Variants in LIN9 observed in about 807,000 individuals in gnomAD.
LIN9 encodes protein lin-9 homolog.
A neutral mutation model predicts 78.0 loss-of-function variants in LIN9; 18 were observed. The ratio of observed to expected loss-of-function variants is 0.23; its 90% CI spans 0.16 to 0.34. The LOEUF (loss-of-function observed/expected upper bound fraction) is 0.34. Ranked by LOEUF, LIN9 falls within the 10% of genes least tolerant of loss-of-function variation. The pLI is 1.00. For missense variants in LIN9, 451 were observed against 644.1 expected (o/e 0.70, Z 3.25); for synonymous variants, 192 against 215.2 (o/e 0.89, Z 0.94).
intron 11 of LIN9, among the ~76,000 whole-genome samples, chr1:226,245,626 C>T (rs1475843315): frequency 6.6e-6 from 1 of 151,826 alleles, no homozygotes; most frequent in Non-Finnish European, 1.5e-5. Context: ...CAGTCTTGCT[C>T]TGCTGGCCAG....
At chr1:226,271,985 G>A (rs530402949) in intron 7 of LIN9, among the ~76,000 whole-genome samples, 50 of 145,956 alleles carry the variant, frequency 3.4e-4, no homozygotes, top group Admixed American at 7.5e-4. Flanking sequence ...TTATATTTAA[G>A]TATAACTCTT....
chr1:226,248,273 C>G (rs1024999185), intron 11 of LIN9, among the ~76,000 whole-genome samples: 1 of 152,208 alleles, frequency 6.6e-6, no homozygotes, highest in Non-Finnish European at 1.5e-5. Context: ...AATCTCACTT[C>G]TGCACTTCAT....
chr1:226,308,285 T>G (rs1319917127), intron 1 of LIN9, among the ~76,000 whole-genome samples: 1 of 152,232 alleles, frequency 6.6e-6, no homozygotes, highest in East Asian at 1.9e-4. Flanking sequence ...CAAGTGAGCA[T>G]ACATGTCTTA....
At chr1:226,257,168 T>A (rs928149206) in intron 10 of LIN9, among the ~76,000 whole-genome samples, 12 of 151,946 alleles carry the variant, frequency 7.9e-5, no homozygotes, top group African/African-American at 2.9e-4. Flanking sequence ...CAGGCTGGTC[T>A]CGAACTCCTG....
In LIN9 at chr1:226,250,887, CT is replaced by C; in HGVS notation, c.1070del (p.Lys357ArgfsTer7). ...TTTCCCTTAATTTCTTGATATGTTC[CT>C]TTTTAATCATGAGAATTTTTGATAA... is the stretch of plus-strand genomic sequence containing the variant. ...TRLSKILMIKKEHIKKLREMN... is the reference protein window; with the variant it reads ...TRLSKILMIKXEHIKKLREMN... On this transcript the variant is annotated frameshift_variant, in exon 11 of 15. Transcript: ENST00000681046. LOFTEE classifies it high-confidence loss of function. 6.5e-7 allele frequency: 1 copy of C among 1,538,066 alleles called. No individual in the cohort carries two copies. Among genetic ancestry groups the C allele is most frequent in the Non-Finnish European group, 8.9e-7 (1 of 1,122,222 alleles).
intron 6 of LIN9, among the ~76,000 whole-genome samples, chr1:226,279,803 G>T (rs2102951002): frequency 6.9e-6 from 1 of 145,000 alleles, no homozygotes; most frequent in South Asian, 2.2e-4. Context: ...GAAAGAAAAA[G>T]GAACTGTTTC....
chr1:226,284,873 T>G (rs762554429), intron 6 of LIN9, among the ~76,000 whole-genome samples: 1 of 152,270 alleles, frequency 6.6e-6, no homozygotes, highest in East Asian at 1.9e-4. Context: ...TTAGGTTCTT[T>G]CCTGGTAGTT....
chr1:226,299,000 ATAT>A (rs1307744403), intron 2 of LIN9, among the ~76,000 whole-genome samples: 10 of 152,322 alleles, frequency 6.6e-5, no homozygotes, highest in Non-Finnish European at 4.4e-5. Context: ...TCGAATAGAC[ATAT>A]TATGATTTAC....
chr1:226,253,854 G>A (rs558663199), intron 10 of LIN9, among the ~76,000 whole-genome samples: 7 of 152,034 alleles, frequency 4.6e-5, no homozygotes, highest in Non-Finnish European at 1.0e-4. Context: ...AGCAGAGTCT[G>A]CAATGAGCTA....
At position 226,241,462 on chromosome 1, in the gene LIN9, T is replaced by C. The variant is rs548886452; in HGVS notation, c.1120-2366A>G. 2.4e-4 allele frequency among the ~76,000 whole-genome samples: 36 copies of C among 152,350 alleles called. No individual in the cohort carries two copies. In the South Asian group the frequency reaches 2.7e-3, roughly 11 times the overall value. On this transcript the variant is annotated intron_variant, in intron 11 of 14. Coordinates refer to ENST00000681046, the MANE Select transcript of LIN9 (RefSeq NM_001366245.2). ...GGTGTCAAAAGTCTCTATCTTCATCTTTTGTGTTCAACATTTTAATGAATT... is the reference window on the plus strand; with the variant it reads ...GGTGTCAAAAGTCTCTATCTTCATCCTTTGTGTTCAACATTTTAATGAATT...
At chr1:226,287,523 A>C (rs1443023808) in intron 5 of LIN9, 141 bp downstream of exon 5, 9 of 563,294 alleles carry the variant, frequency 1.6e-5, no homozygotes, top group South Asian at 2.8e-5. Context: ...GAATAGATCC[A>C]ACTGGAATGT....
chr1:226,263,303 T>C (rs1170502045), intron 10 of LIN9, among the ~76,000 whole-genome samples: 1 of 152,190 alleles, frequency 6.6e-6, no homozygotes, highest in Non-Finnish European at 1.5e-5. Context: ...GATGTGTTAA[T>C]GAAAGTTCAC....
intron 8 of LIN9, among the ~76,000 whole-genome samples, chr1:226,267,583 G>C (rs1660015945): frequency 6.6e-6 from 1 of 152,072 alleles, no homozygotes; most frequent in Non-Finnish European, 1.5e-5. Flanking sequence ...AGATAAAACA[G>C]GAGAACAAAT....
chr1:226,247,565 G>C (rs556819496), intron 11 of LIN9, among the ~76,000 whole-genome samples: 1 of 152,178 alleles, frequency 6.6e-6, no homozygotes, highest in Non-Finnish European at 1.5e-5. Context: ...TCTGGAACTT[G>C]CAGAAGTCCC....
intron 1 of LIN9, 23 bp downstream of exon 1, chr1:226,309,086 G>T: frequency 3.8e-6 from 5 of 1,311,082 alleles, no homozygotes; most frequent in Non-Finnish European, 4.9e-6. Flanking sequence ...GAAAAGGGGG[G>T]GGTGCTTTGA....
At chr1:226,272,666 T>C (rs983721926) in intron 7 of LIN9, among the ~76,000 whole-genome samples, 3 of 151,808 alleles carry the variant, frequency 2.0e-5, no homozygotes, top group Admixed American at 6.6e-5. Context: ...GGAATGTGTC[T>C]AGACTTGCTG....
chr1:226,236,027 A>G (rs1657682169), intron 12 of LIN9, among the ~76,000 whole-genome samples: 3 of 152,052 alleles, frequency 2.0e-5, no homozygotes, highest in Admixed American at 2.0e-4. Flanking sequence ...TAAATAGAGA[A>G]CTTCCTCTCT....
chr1:226,234,454 T>C (rs1239058457), intron 12 of LIN9, among the ~76,000 whole-genome samples: 2 of 152,186 alleles, frequency 1.3e-5, no homozygotes, highest in Admixed American at 1.3e-4. Flanking sequence ...TTACTATATT[T>C]ATTTATTCTG....
At chr1:226,249,772 G>T (rs966626609) in intron 11 of LIN9, among the ~76,000 whole-genome samples, 2 of 152,140 alleles carry the variant, frequency 1.3e-5, no homozygotes, top group Admixed American at 1.3e-4. Flanking sequence ...GATAGTACAT[G>T]AGATAAAACC....
Sources: allele counts gnomAD v4.1 joint callset (sites outside exome capture counted in the v4.1 genomes callset), GRCh38; gene constraint gnomAD v4.1.1; transcripts MANE v1.5; gene names NCBI Gene and HGNC (gene_info 2026-07-23, HGNC 2026-07-21).